Variants in SNTG2 observed in about 807,000 individuals in gnomAD.
SNTG2 encodes the protein gamma-2-syntrophin.
A neutral mutation model predicts 70.9 loss-of-function variants in SNTG2; 74 were observed. The observed-to-expected ratio is 1.04, with a 90% CI of 0.86 to 1.27. The LOEUF is 1.27. Ranked by LOEUF, SNTG2 falls within the 50% of genes most tolerant of loss-of-function variation. The probability of loss-of-function intolerance (pLI) is 0.00; values close to 1 mark genes in which losing one functional copy is unlikely to be tolerated. For synonymous variants in SNTG2, 278 were observed against 273.8 expected (o/e 1.02, Z -0.15); for missense variants, 717 against 690.7 (o/e 1.04, Z -0.43).
rs370397824 is a variant in SNTG2, at chr2:1,213,236, A to T, written c.719+4006A>T. Among the ~76,000 whole-genome samples, 34 of 152,360 alleles carry T rather than the reference A, an allele frequency of 2.2e-4. No homozygotes were observed. In the East Asian group the frequency reaches 6.0e-3, roughly 27 times the overall value. Reference sequence around the variant, plus strand: ...CATTTTTGTAGTGAAAATATTTAAAATCTACTCTTTTAGCAATTTTGAAAT... The same window carrying T: ...CATTTTTGTAGTGAAAATATTTAAATTCTACTCTTTTAGCAATTTTGAAAT... On this transcript the variant is annotated intron_variant, in intron 9 of 16. Transcript: ENST00000308624.
intron 14 of SNTG2, among the ~76,000 whole-genome samples, chr2:1,272,191 C>G (rs561285733): frequency 6.6e-6 from 1 of 151,904 alleles, no homozygotes; most frequent in African/African-American, 2.4e-5. Flanking sequence ...CGCCATAATG[C>G]AGAATCAGTG....
intron 14 of SNTG2, among the ~76,000 whole-genome samples, chr2:1,270,075 A>G (rs1221221848): frequency 6.6e-6 from 1 of 152,188 alleles, no homozygotes; most frequent in Non-Finnish European, 1.5e-5. Flanking sequence ...TGGCAAGGTC[A>G]TGCAAGACCT....
At chr2:1,036,868 T>C (rs1661159417) in intron 1 of SNTG2, among the ~76,000 whole-genome samples, 1 of 152,218 alleles carries the variant, frequency 6.6e-6, no homozygotes, top group African/African-American at 2.4e-5. Flanking sequence ...TGTCTCTCTC[T>C]CTGCGTCTTA....
chr2:1,307,450 T>C, intron 14 of SNTG2, among the ~76,000 whole-genome samples: 1 of 151,344 alleles, frequency 6.6e-6, no homozygotes, highest in Non-Finnish European at 1.5e-5. Context: ...TGTGTGTGTG[T>C]GTGTGTGTAT....
chr2:973,512 G>A (rs1660811867), intron 1 of SNTG2, among the ~76,000 whole-genome samples: 1 of 150,966 alleles, frequency 6.6e-6, no homozygotes, highest in Non-Finnish European at 1.5e-5. Flanking sequence ...TCTTGGGGGT[G>A]TGTGTGTATA....
At chr2:1,265,379 CAT>C (rs1253391108) in intron 13 of SNTG2, among the ~76,000 whole-genome samples, 2 of 152,264 alleles carry the variant, frequency 1.3e-5, no homozygotes, top group Admixed American at 6.5e-5. Flanking sequence ...CATTTCCACA[CAT>C]ACACATGTTC....
intron 7 of SNTG2, among the ~76,000 whole-genome samples, chr2:1,172,592 T>G (rs1671198898): frequency 6.6e-6 from 1 of 152,224 alleles, no homozygotes; most frequent in Non-Finnish European, 1.5e-5. Flanking sequence ...TAAGCTCTGG[T>G]TGCATGAGCC....
chr2:1,365,809 A>C (rs1206017386), intron 16 of SNTG2, among the ~76,000 whole-genome samples: 1 of 152,172 alleles, frequency 6.6e-6, no homozygotes, highest in African/African-American at 2.4e-5. Context: ...AGGGGACTTC[A>C]TGCTGTCAGG....
chr2:1,093,185 C>A (rs910601963), intron 2 of SNTG2, among the ~76,000 whole-genome samples: 17 of 152,146 alleles, frequency 1.1e-4, no homozygotes, highest in African/African-American at 3.6e-4. Flanking sequence ...CGGGGCAGCT[C>A]ACGATCCGCA....
intron 1 of SNTG2, among the ~76,000 whole-genome samples, chr2:1,000,352 T>G (rs1469287506): frequency 6.6e-6 from 1 of 151,742 alleles, no homozygotes; most frequent in Non-Finnish European, 1.5e-5. Flanking sequence ...GTTGTTTCTT[T>G]GAAAGGATAA....
chr2:1,144,341 A>C (rs1479426166), intron 6 of SNTG2, among the ~76,000 whole-genome samples: 1 of 152,232 alleles, frequency 6.6e-6, no homozygotes, highest in Non-Finnish European at 1.5e-5. Context: ...ACAAATTTCA[A>C]CAGCATCATC....
chr2:1,222,057 GTCTCTGTT>G (rs1251308744), intron 9 of SNTG2, among the ~76,000 whole-genome samples: 2 of 32,336 alleles, frequency 6.2e-5, no homozygotes, highest in Non-Finnish European at 1.3e-4. Context: ...GTCTCTCTCT[GTCTCTGTT>G]TCTCTCTGTC....
intron 4 of SNTG2, among the ~76,000 whole-genome samples, chr2:1,115,621 A>G (rs1355006255): frequency 1.3e-5 from 2 of 150,938 alleles, no homozygotes; most frequent in Non-Finnish European, 3.0e-5. Flanking sequence ...AATCGTATGT[A>G]CTAAGTGAGG....
At chr2:954,761 AT>A (rs1259274869) in intron 1 of SNTG2, among the ~76,000 whole-genome samples, 1 of 152,084 alleles carries the variant, frequency 6.6e-6, no homozygotes, top group East Asian at 1.9e-4. Context: ...AAGCTCACCC[AT>A]TTCTGGCTGC....
chr2:1,296,305 A>G (rs911101854), intron 14 of SNTG2, among the ~76,000 whole-genome samples: 7 of 152,238 alleles, frequency 4.6e-5, no homozygotes, highest in African/African-American at 1.7e-4. Context: ...AAATAACGGT[A>G]TATTTATTAA....
intron 1 of SNTG2, among the ~76,000 whole-genome samples, chr2:1,004,503 G>A (rs1390488666): frequency 1.3e-5 from 2 of 152,174 alleles, no homozygotes; most frequent in East Asian, 3.8e-4. Context: ...TAAAACTTGG[G>A]CAAAACGCTT....
rs1676765667 is a variant in SNTG2 at position 1,237,790 on chromosome 2, C to T, written c.720-98C>T. On this transcript the variant is annotated intron_variant, in intron 9 of 16. Coordinates refer to ENST00000308624, the MANE Select transcript of SNTG2 (RefSeq NM_018968.4). ...GGTGCAGTTGCCCCATGTCCTGGGT[C>T]CAGGGTAGAGCCCTGCTGAGCATCA... The T allele has an allele frequency of 2.0e-6, 3 of 1,464,748 alleles. No homozygotes were observed. The South Asian group carries it at 3.9e-5, about 19-fold the overall frequency. 90.7% of individuals were successfully genotyped at this position (1,464,748 alleles called of 1,614,324 possible). A position where few individuals can be genotyped will look rare whatever the true frequency, so the allele number is the denominator to read the frequency against.
intron 1 of SNTG2, among the ~76,000 whole-genome samples, chr2:1,067,826 C>G (rs1353307079): frequency 1.3e-5 from 2 of 152,210 alleles, no homozygotes; most frequent in East Asian, 3.9e-4. Flanking sequence ...ACCCGTAAAT[C>G]ATGCCTGGGT....
chr2:1,243,855 G>A (rs112954275), intron 11 of SNTG2, among the ~76,000 whole-genome samples: 904 of 152,336 alleles, frequency 5.9e-3, no homozygotes, highest in Non-Finnish European at 0.01. Flanking sequence ...GTGAAACCCC[G>A]TCTCTACTAA....
Sources: gnomAD v4.1 joint callset for allele counts (sites outside exome capture counted in the v4.1 genomes callset) on GRCh38, gnomAD v4.1.1 for gene constraint, MANE v1.5 for transcripts, NCBI Gene and HGNC (gene_info 2026-07-23, HGNC 2026-07-21) for gene names.